The following EDA variants were observed in gnomAD, a reference collection of about 807,000 sequenced individuals.
The protein encoded by EDA is ectodysplasin-A.
EDA carries 2 observed loss-of-function variants against 23.6 expected under a neutral mutation model. The ratio of observed to expected loss-of-function variants is 0.08; its 90% CI spans 0.03 to 0.27. The LOEUF (loss-of-function observed/expected upper bound fraction) is 0.27, where lower values mean the gene tolerates loss of function less well. EDA is among the 10% of genes least tolerant of loss of function. The pLI, the probability that EDA is intolerant of heterozygous loss-of-function variation, is 1.00. For missense variants in EDA, 229 were observed against 324.2 expected, an observed-to-expected ratio of 0.71 and a Z score of 2.26; for synonymous variants, 131 against 132.0, an observed-to-expected ratio of 0.99 and a Z score of 0.05.
chrX:69,654,599 A>G (rs1184643606), intron 1 of EDA, among the ~76,000 whole-genome samples: 3 of 112,007 alleles, frequency 2.7e-5, no homozygotes, highest in Non-Finnish European at 3.8e-5. Flanking sequence ...CATATACACC[A>G]TGGAATACTA....
rs1306000678 is a variant in EDA at position 69,858,992 on chromosome X, C to A, written c.397-98035C>A. Among the ~76,000 whole-genome samples the A allele has an allele frequency of 2.7e-5, 3 of 111,637 alleles. No homozygotes were observed. In the East Asian group the frequency reaches 8.4e-4, roughly 31 times the overall value. On this transcript the variant is annotated intron_variant, in intron 1 of 7. Transcript: ENST00000374552. ...TGTGTGTCCAAGAATTTAACCATTTCTTCTAGATTTTCTAGTTTATGTGCA... is the reference window on the plus strand; with the variant it reads ...TGTGTGTCCAAGAATTTAACCATTTATTCTAGATTTTCTAGTTTATGTGCA...
intron 2 of EDA, among the ~76,000 whole-genome samples, chrX:69,982,578 A>G (rs1253225475): frequency 8.9e-6 from 1 of 111,936 alleles, no homozygotes; most frequent in Non-Finnish European, 1.9e-5. Context: ...TTAGATATCC[A>G]GAAATTCACT....
At chrX:69,617,008 C>CA in intron 1 of EDA, 3 of 424,246 alleles carry the variant, frequency 7.1e-6, no homozygotes, top group Non-Finnish European at 1.3e-5. Flanking sequence ...CCTGCGCTGC[C>CA]CCCCGGCCGA....
Position 69,956,834 on chromosome X carries a change from G to A in EDA, c.397-193G>A, listed in dbSNP as rs111811321. 9.5e-3 allele frequency among the ~76,000 whole-genome samples: 1,061 copies of A among 111,931 alleles called. 14 individuals carry two copies. The highest frequency in any genetic ancestry group is 0.033 in the African/African-American group (1,005 of 30,815). On this transcript the variant is annotated intron_variant, in intron 1 of 7. Transcript: ENST00000374552. ...ATGGGATTCAGAAATTAACCAAAAT[G>A]TCATGCCTACATGATTGGAATAATA...
chrX:69,846,037 G>A (rs2016998826), intron 1 of EDA, among the ~76,000 whole-genome samples: 1 of 112,286 alleles, frequency 8.9e-6, no homozygotes, highest in African/African-American at 3.2e-5. Context: ...AACTGTGTGA[G>A]ATAATAAATG....
chrX:69,983,515 G>A (rs5980887), intron 2 of EDA, among the ~76,000 whole-genome samples: 4,402 of 9,512 alleles, frequency 0.46, 1,143 homozygotes, highest in Middle Eastern at 0.55. Context: ...CTTCACTTAT[G>A]AAGCTTAGTT....
At chrX:69,679,736 G>C (rs182118886) in intron 1 of EDA, among the ~76,000 whole-genome samples, 1 of 110,782 alleles carries the variant, frequency 9.0e-6, no homozygotes, top group East Asian at 2.8e-4. Flanking sequence ...TCTTGCTAGC[G>C]GTTTATCAAT....
At chrX:69,719,756 C>CA (rs1555989142) in intron 1 of EDA, among the ~76,000 whole-genome samples, 2 of 102,582 alleles carry the variant, frequency 1.9e-5, no homozygotes, top group Non-Finnish European at 4.0e-5. Flanking sequence ...CATTTTCTTT[C>CA]TTTTTTTTTT....
At chrX:69,938,479 G>A (rs898378873) in intron 1 of EDA, among the ~76,000 whole-genome samples, 1 of 111,506 alleles carries the variant, frequency 9.0e-6, no homozygotes, top group African/African-American at 3.3e-5. Flanking sequence ...CCTATGAAGT[G>A]GTTTGAGCTC....
At chrX:70,006,271 CTA>C (rs199613261) in intron 2 of EDA, among the ~76,000 whole-genome samples, 1 of 112,027 alleles carries the variant, frequency 8.9e-6, no homozygotes, top group Admixed American at 9.5e-5. Flanking sequence ...TATGGTAAGA[CTA>C]TGTTTAGCTT....
intron 1 of EDA, among the ~76,000 whole-genome samples, chrX:69,956,063 A>G (rs1443942714): frequency 1.8e-5 from 2 of 112,224 alleles, no homozygotes; most frequent in Non-Finnish European, 3.8e-5. Context: ...TTAGTCTTAT[A>G]GACCACAAGT....
At chrX:69,887,903 T>C (rs998611354) in intron 1 of EDA, among the ~76,000 whole-genome samples, 6 of 111,856 alleles carry the variant, frequency 5.4e-5, no homozygotes, top group African/African-American at 1.6e-4. Flanking sequence ...ACTGGGCCTG[T>C]CTTACAAGAA....
chrX:70,018,846 TTAAAC>T (rs1324269325), intron 2 of EDA, among the ~76,000 whole-genome samples: 1 of 111,716 alleles, frequency 9.0e-6, no homozygotes, highest in Non-Finnish European at 1.9e-5. Flanking sequence ...TGGGACCTAA[TTAAAC>T]TAAAGAGCTC....
At chrX:69,716,423 T>C (rs913556957) in intron 1 of EDA, among the ~76,000 whole-genome samples, 2 of 111,483 alleles carry the variant, frequency 1.8e-5, no homozygotes, top group African/African-American at 6.5e-5. Flanking sequence ...GTTCCATTGA[T>C]CTATGCATCT....
intron 1 of EDA, among the ~76,000 whole-genome samples, chrX:69,838,328 T>G (rs2016823150): frequency 8.8e-6 from 1 of 113,239 alleles, no homozygotes; most frequent in African/African-American, 3.2e-5. Flanking sequence ...ATGTAGGATT[T>G]CAAGAAATAA....
intron 1 of EDA, among the ~76,000 whole-genome samples, chrX:69,702,103 A>T (rs1206492746): frequency 9.0e-6 from 1 of 111,471 alleles, no homozygotes; most frequent in African/African-American, 3.3e-5. Context: ...TCTTTTGTTA[A>T]TTTGAGAGAG....
At chrX:69,855,909 C>T (rs2017236494) in intron 1 of EDA, among the ~76,000 whole-genome samples, 2 of 109,958 alleles carry the variant, frequency 1.8e-5, no homozygotes, top group South Asian at 7.8e-4. Flanking sequence ...TTATTTATTT[C>T]AATAGGTTTT....
chrX:69,765,248 AC>A (rs1447529935), intron 1 of EDA, among the ~76,000 whole-genome samples: 1 of 112,281 alleles, frequency 8.9e-6, no homozygotes, highest in South Asian at 3.7e-4. Flanking sequence ...ACAAATATAT[AC>A]TGAGGGCCTA....
chrX:70,029,095 G>A (rs916413599), intron 4 of EDA, among the ~76,000 whole-genome samples: 1 of 112,720 alleles, frequency 8.9e-6, no homozygotes, highest in Non-Finnish European at 1.9e-5. Context: ...GAGGAAGAGA[G>A]AACAAAGAAA....
Sources: allele counts gnomAD v4.1 joint callset (sites outside exome capture counted in the v4.1 genomes callset), GRCh38; gene constraint gnomAD v4.1.1; transcripts MANE v1.5; gene names NCBI Gene and HGNC (gene_info 2026-07-23, HGNC 2026-07-21).